Variants in KCNMA1 observed in about 807,000 individuals in gnomAD.
KCNMA1 encodes potassium calcium-activated channel subfamily M alpha 1, also known as Calcium-activated potassium channel subunit alpha-1.
Under a neutral mutation model 140.0 loss-of-function variants are expected in KCNMA1, and 29 were observed. The ratio of observed to expected loss-of-function variants is 0.21; its 90% CI spans 0.15 to 0.28. The LOEUF is 0.28. Among genes scored for constraint, KCNMA1 ranks in the 10% least tolerant of loss-of-function variants. The pLI is 1.00. For missense variants in KCNMA1, 880 were observed against 1,602.2 expected (o/e 0.55, Z 7.70); for synonymous variants, 612 against 611.9 (o/e 1.00, Z 0.00).
intron 2 of KCNMA1, among the ~76,000 whole-genome samples, chr10:77,276,546 A>AGT (rs1266111885): frequency 6.6e-6 from 1 of 152,176 alleles, no homozygotes; most frequent in Non-Finnish European, 1.5e-5. Flanking sequence ...TAAATGTCAG[A>AGT]CATTTGTGGA....
intron 1 of KCNMA1, among the ~76,000 whole-genome samples, chr10:77,581,455 G>A (rs111922674): frequency 4.1e-4 from 63 of 152,026 alleles, no homozygotes; most frequent in African/African-American, 1.1e-3. Flanking sequence ...ACAGGTGCCC[G>A]CCACCACGCC....
intron 2 of KCNMA1, among the ~76,000 whole-genome samples, chr10:77,387,443 A>G (rs2095642851): frequency 6.6e-6 from 1 of 152,212 alleles, no homozygotes; most frequent in African/African-American, 2.4e-5. Context: ...GACCTAGAAC[A>G]GGTAGCTAAG....
intron 3 of KCNMA1, among the ~76,000 whole-genome samples, chr10:77,207,025 A>G (rs960105597): frequency 2.6e-5 from 4 of 152,184 alleles, no homozygotes; most frequent in African/African-American, 9.7e-5. Context: ...ATTTAATATT[A>G]TATAATATAT....
At chr10:77,627,321 G>A (rs1350309259) in intron 1 of KCNMA1, among the ~76,000 whole-genome samples, 3 of 152,170 alleles carry the variant, frequency 2.0e-5, no homozygotes, top group African/African-American at 4.8e-5. Context: ...ACGTGAAACT[G>A]AGAAGGGGGC....
intron 1 of KCNMA1, among the ~76,000 whole-genome samples, chr10:77,471,695 T>C (rs1326677807): frequency 7.2e-6 from 1 of 139,742 alleles, no homozygotes; most frequent in Non-Finnish European, 1.6e-5. Context: ...TATACACACA[T>C]ACACATTATA....
chr10:77,474,958 A>C (rs555367664), intron 1 of KCNMA1, among the ~76,000 whole-genome samples: 2 of 152,238 alleles, frequency 1.3e-5, no homozygotes, highest in South Asian at 4.1e-4. Flanking sequence ...GCAGCCTCAG[A>C]TCATGAGCCT....
intron 1 of KCNMA1, chr10:77,635,578 G>A (rs1174083675): frequency 1.3e-5 from 2 of 152,240 alleles, no homozygotes; most frequent in African/African-American, 4.8e-5. Flanking sequence ...GTGGGAATTT[G>A]AAGGCTCCAG....
At chr10:77,356,572 G>A (rs1322198647) in intron 2 of KCNMA1, among the ~76,000 whole-genome samples, 1 of 152,214 alleles carries the variant, frequency 6.6e-6, no homozygotes, top group Non-Finnish European at 1.5e-5. Flanking sequence ...GCCAACAACT[G>A]AGGTACCTTG....
chr10:77,530,266 G>A (rs1432467645), intron 1 of KCNMA1, among the ~76,000 whole-genome samples: 1 of 152,196 alleles, frequency 6.6e-6, no homozygotes, highest in Admixed American at 6.5e-5. Flanking sequence ...GAGGGACAAG[G>A]AAAGAGAGAT....
chr10:76,901,773 G>A (rs1160583329), intron 25 of KCNMA1: 1 of 152,258 alleles, frequency 6.6e-6, no homozygotes, highest in Admixed American at 6.5e-5. Flanking sequence ...CTGCATCCCA[G>A]ATGATGGCTC....
chr10:77,188,262 G>C (rs1237787236), intron 3 of KCNMA1, among the ~76,000 whole-genome samples: 1 of 151,666 alleles, frequency 6.6e-6, no homozygotes, highest in Non-Finnish European at 1.5e-5. Context: ...GGATTTACAT[G>C]GGCATATGTT....
chr10:77,433,956 AT>A (rs1236382246), intron 1 of KCNMA1, among the ~76,000 whole-genome samples: 1 of 152,180 alleles, frequency 6.6e-6, no homozygotes, highest in African/African-American at 2.4e-5. Flanking sequence ...GGTAACTGCA[AT>A]TCCATCAAGC....
intron 19 of KCNMA1, among the ~76,000 whole-genome samples, chr10:76,997,782 C>T (rs887621107): frequency 5.3e-5 from 8 of 152,056 alleles, no homozygotes; most frequent in African/African-American, 7.3e-5. Flanking sequence ...GTGAAAAAGC[C>T]GAGGCCCATA....
chr10:77,490,904 C>T (rs1389373771), intron 1 of KCNMA1, among the ~76,000 whole-genome samples: 1 of 152,188 alleles, frequency 6.6e-6, no homozygotes, highest in African/African-American at 2.4e-5. Context: ...GTATCTTGAC[C>T]TTGCTTTTAC....
At chr10:77,498,069 G>C (rs1348181715) in intron 1 of KCNMA1, among the ~76,000 whole-genome samples, 1 of 151,918 alleles carries the variant, frequency 6.6e-6, no homozygotes, top group Non-Finnish European at 1.5e-5. Flanking sequence ...CCATCAATGT[G>C]CCAAAAACCT....
intron 14 of KCNMA1, among the ~76,000 whole-genome samples, chr10:77,049,472 T>A (rs2095270634): frequency 6.6e-6 from 1 of 152,204 alleles, no homozygotes; most frequent in South Asian, 2.1e-4. Context: ...TTGACTTCTC[T>A]GACATCTGAA....
intron 1 of KCNMA1, among the ~76,000 whole-genome samples, chr10:77,427,951 C>T (rs1315431506): frequency 3.9e-5 from 6 of 151,944 alleles, no homozygotes; most frequent in African/African-American, 7.3e-5. Context: ...CAGGGTTTCA[C>T]CATGTTGGCC....
intron 1 of KCNMA1, among the ~76,000 whole-genome samples, chr10:77,452,897 C>A (rs1392001459): frequency 6.6e-6 from 1 of 152,102 alleles, no homozygotes; most frequent in Non-Finnish European, 1.5e-5. Flanking sequence ...AAGATGCTGC[C>A]CAATGCGGCA....
chr10:77,034,234 A>C (rs897329249), intron 15 of KCNMA1, among the ~76,000 whole-genome samples: 9 of 138,812 alleles, frequency 6.5e-5, no homozygotes, highest in Admixed American at 2.3e-4. Flanking sequence ...ACAGAGTGAG[A>C]CTCCATCTCA....
Sources: allele counts gnomAD v4.1 joint callset (sites outside exome capture counted in the v4.1 genomes callset), GRCh38; gene constraint gnomAD v4.1.1; transcripts MANE v1.5; gene names NCBI Gene and HGNC (gene_info 2026-07-23, HGNC 2026-07-21).